Variants in IARS2 observed in about 807,000 individuals in gnomAD.
The protein encoded by IARS2 is isoleucyl-tRNA synthetase 2, mitochondrial.
In IARS2, 56 loss-of-function variants were observed where a neutral mutation model predicts 126.3. That is an observed-to-expected ratio of 0.44 (90% confidence interval 0.36 to 0.55). IARS2 has a LOEUF of 0.55. Among genes scored for constraint, IARS2 ranks in the 20% least tolerant of loss-of-function variants. The pLI is 0.00. For missense variants in IARS2, 1,127 were observed against 1,245.9 expected (o/e 0.90, Z 1.44); for synonymous variants, 407 against 441.1 (o/e 0.92, Z 0.97).
intron 14 of IARS2, among the ~76,000 whole-genome samples, chr1:220,128,825 T>C (rs1207466027): frequency 2.0e-5 from 3 of 152,086 alleles, no homozygotes; most frequent in East Asian, 1.9e-4. Context: ...TATTTGGCGC[T>C]GTCAAGTGGG....
At chr1:220,097,753 G>A (rs1656477086) in intron 2 of IARS2, among the ~76,000 whole-genome samples, 1 of 152,184 alleles carries the variant, frequency 6.6e-6, no homozygotes, top group African/African-American at 2.4e-5. Flanking sequence ...TGCAGACTTG[G>A]GGATAGAATA....
At chr1:220,140,487 G>A (rs550887673) in intron 19 of IARS2, among the ~76,000 whole-genome samples, 198 bp downstream of exon 19, 3 of 152,288 alleles carry the variant, frequency 2.0e-5, no homozygotes, top group Non-Finnish European at 4.4e-5. Flanking sequence ...ACTGAGGCAC[G>A]AGAATCGCTT....
In IARS2 at chr1:220,100,731, C is replaced by T. The variant is rs1038836610; in HGVS notation, c.550+82C>T. 15 of 1,114,054 alleles carry T rather than the reference C, an allele frequency of 1.3e-5. No homozygotes were observed. The South Asian group carries it at 1.5e-4, about 11-fold the overall frequency. 69.0% of individuals were successfully genotyped at this position (1,114,054 alleles called of 1,614,324 possible). A position where few individuals can be genotyped will look rare whatever the true frequency, so the allele number is the denominator to read the frequency against. On this transcript the variant is annotated intron_variant, in intron 3 of 22. Coordinates refer to ENST00000366922, the MANE Select transcript of IARS2 (RefSeq NM_018060.4). ...AATAGTCAGAACTTTACCAAAGGAA[C>T]CTTTTGTTTGGGTTTCGTTTGCTTA...
At chr1:220,119,249 G>A (rs774162909) in intron 12 of IARS2, among the ~76,000 whole-genome samples, 3 of 152,164 alleles carry the variant, frequency 2.0e-5, no homozygotes, top group Middle Eastern at 3.4e-3. Context: ...GAAGGGACAC[G>A]TAATGCATGT....
chr1:220,130,486 T>C (rs186629511), intron 14 of IARS2, among the ~76,000 whole-genome samples: 1 of 152,300 alleles, frequency 6.6e-6, no homozygotes, highest in Admixed American at 6.5e-5. Context: ...AGTAGTTTCA[T>C]AGTTGGGGGC....
chr1:220,120,736 T>C (rs1475928260), intron 12 of IARS2, among the ~76,000 whole-genome samples: 1 of 152,186 alleles, frequency 6.6e-6, no homozygotes, highest in Non-Finnish European at 1.5e-5. Flanking sequence ...TTTTGAAATA[T>C]GTATGCATTG....
chr1:220,115,455 G>T (rs372113260), intron 12 of IARS2, among the ~76,000 whole-genome samples: 1 of 151,422 alleles, frequency 6.6e-6, no homozygotes, highest in African/African-American at 2.4e-5. Flanking sequence ...CAGCTACTCC[G>T]AAGGCTCAGG....
At chr1:220,120,288 G>A (rs1193576586) in intron 12 of IARS2, among the ~76,000 whole-genome samples, 1 of 151,688 alleles carries the variant, frequency 6.6e-6, no homozygotes. Flanking sequence ...CTTCATGTAG[G>A]TCAGGCTGGT....
At chr1:220,108,978 C>G (rs1025806799) in intron 10 of IARS2, among the ~76,000 whole-genome samples, 2 of 151,270 alleles carry the variant, frequency 1.3e-5, no homozygotes, top group East Asian at 3.9e-4. Context: ...CAATCGGCCC[C>G]AAAGAGACTA....
intron 21 of IARS2, chr1:220,143,826 T>C (rs1305664892): frequency 2.0e-6 from 1 of 496,594 alleles, no homozygotes; most frequent in African/African-American, 2.0e-5. Flanking sequence ...AGGGGTTGAT[T>C]GGCCAGATTG....
chr1:220,132,351 C>T (rs1286544664), intron 14 of IARS2, among the ~76,000 whole-genome samples: 1 of 152,094 alleles, frequency 6.6e-6, no homozygotes, highest in Non-Finnish European at 1.5e-5. Context: ...TTATTCAGTC[C>T]GGTTACTCCT....
At chr1:220,111,972 G>GT (rs947986188) in intron 11 of IARS2, among the ~76,000 whole-genome samples, 24 of 148,596 alleles carry the variant, frequency 1.6e-4, no homozygotes, top group Non-Finnish European at 2.2e-4. Context: ...TTTAAGCCAA[G>GT]TTTTTTTTTT....
chr1:220,141,839 C>A lies in IARS2; in HGVS notation c.2451C>A (p.Arg817=). The A allele has an allele frequency of 6.2e-7, 1 of 1,614,132 alleles. No homozygotes were observed. The highest frequency in any genetic ancestry group is 1.1e-5 in the South Asian group (1 of 91,082). Residue 817 remains arginine (R), a synonymous_variant, in exon 20 of 23, where the codon CGC becomes CGA. Transcript: ENST00000366922. ...AAAAGGAAAATGACCCCAAACGACG[C>A]TCTTGTCAGACTGCATTAGTTGAAA... ...YCEKENDPKR[R]SCQTALVEIL... is the part of the protein sequence containing the mutation.
At position 220,094,832 on chromosome 1, in the gene IARS2, T is replaced by C. The variant is rs182187116; in HGVS notation, c.267+349T>C. The stretch of plus-strand genomic sequence containing the variant: ...ATGCCTTGTAAAAAGTAAATTCACA[T>C]GTCCACATGTAAATAAAAACCCAGG... On this transcript the variant is annotated intron_variant, in intron 1 of 22. Coordinates refer to ENST00000366922, the MANE Select transcript of IARS2 (RefSeq NM_018060.4). 2.9e-4 allele frequency among the ~76,000 whole-genome samples: 44 copies of C among 152,218 alleles called. No homozygotes were observed. The East Asian group carries it at 7.2e-3, about 25-fold the overall frequency.
At chr1:220,100,717 C>T (rs1656554017) in intron 3 of IARS2, 68 bp downstream of exon 3, 1 of 1,270,260 alleles carries the variant, frequency 7.9e-7, no homozygotes, top group Non-Finnish European at 1.1e-6. Flanking sequence ...ATAGTCAGAA[C>T]TTTACCAAAG....
rs1256461496 is a variant in IARS2 at position 220,125,271 on chromosome 1, C to A, written c.1675C>A (p.Gln559Lys). ...TTEHIVKLVE[Q>K]HGSDIWWTLP... ...TGAGCATATTGTTAAACTAGTGGAA[C>A]AACACGGCAGTGATATCTGGTGGAC... The change falls in exon 13 of 23, where the codon CAA (glutamine) becomes AAA (lysine). Residue 559 changes from glutamine (Q) to lysine (K), a missense_variant. Transcript: ENST00000366922. 6.2e-7 allele frequency: 1 copy of A among 1,613,512 alleles called. No homozygotes were observed. The highest frequency in any genetic ancestry group is 1.7e-5 in the Admixed American group (1 of 60,010).
At chr1:220,105,825 G>A in intron 8 of IARS2, 66 bp from the exon 9 acceptor site, 3 of 1,370,828 alleles carry the variant, frequency 2.2e-6, no homozygotes, top group Non-Finnish European at 3.1e-6. Context: ...ATACTCTATT[G>A]CTAAGCTTAA....
chr1:220,138,834 G>A (rs1657433570), intron 17 of IARS2, among the ~76,000 whole-genome samples, 174 bp from the exon 18 acceptor site: 1 of 152,098 alleles, frequency 6.6e-6, no homozygotes, highest in Admixed American at 6.6e-5. Context: ...TGGAATAAGA[G>A]TTTGTTGTGT....
intron 14 of IARS2, among the ~76,000 whole-genome samples, chr1:220,132,271 A>G (rs533321291): frequency 3.3e-5 from 5 of 152,002 alleles, no homozygotes; most frequent in Non-Finnish European, 7.4e-5. Context: ...TGTTCTTTAT[A>G]TATTTGGTAG....
Sources: gnomAD v4.1 joint callset for allele counts (sites outside exome capture counted in the v4.1 genomes callset) on GRCh38, gnomAD v4.1.1 for gene constraint, MANE v1.5 for transcripts, NCBI Gene and HGNC (gene_info 2026-07-23, HGNC 2026-07-21) for gene names.